DTNB: variants seen among roughly 807,000 people sequenced by gnomAD.
DTNB encodes the protein DTN-B.
DTNB carries 63 observed loss-of-function variants against 90.7 expected under a neutral mutation model. The observed-to-expected ratio is 0.69, with a 90% CI of 0.57 to 0.86. DTNB has a LOEUF of 0.86. Among genes scored for constraint, DTNB ranks in the 40% least tolerant of loss-of-function variants. DTNB has a pLI of 0.00. For synonymous variants in DTNB, 277 were observed against 286.7 expected (o/e 0.97, Z 0.34); for missense variants, 744 against 807.1 (o/e 0.92, Z 0.95).
chr2:25,548,630 T>G (rs2151084252), intron 8 of DTNB, among the ~76,000 whole-genome samples: 1 of 151,174 alleles, frequency 6.6e-6, no homozygotes, highest in East Asian at 1.9e-4. Context: ...CAGCCTGGAG[T>G]GGAGTAAGGG....
At chr2:25,430,681 AC>A (rs1247401105) in intron 14 of DTNB, among the ~76,000 whole-genome samples, 1 of 152,206 alleles carries the variant, frequency 6.6e-6, no homozygotes, top group Non-Finnish European at 1.5e-5. Flanking sequence ...GTAATGATAA[AC>A]CAAATTCTGG....
At chr2:25,572,319 T>A (rs748984408) in intron 8 of DTNB, among the ~76,000 whole-genome samples, 11 of 151,966 alleles carry the variant, frequency 7.2e-5, no homozygotes, top group Non-Finnish European at 1.5e-4. Flanking sequence ...TACAAAAAAT[T>A]AGCCAGGCGT....
chr2:25,670,745 C>G (rs766273564), intron 1 of DTNB, among the ~76,000 whole-genome samples: 6 of 152,144 alleles, frequency 3.9e-5, no homozygotes, highest in Non-Finnish European at 8.8e-5. Context: ...GACTGCAAAC[C>G]AGCATAAGGG....
chr2:25,497,965 C>A (rs970368605), intron 9 of DTNB, among the ~76,000 whole-genome samples: 1 of 152,164 alleles, frequency 6.6e-6, no homozygotes, highest in Non-Finnish European at 1.5e-5. Context: ...CCGCTCTCAT[C>A]ATGTCACCAT....
intron 8 of DTNB, among the ~76,000 whole-genome samples, chr2:25,541,097 T>C (rs1023074917): frequency 1.4e-5 from 2 of 144,500 alleles, no homozygotes; most frequent in Admixed American, 6.8e-5. Context: ...ATTCATGGTA[T>C]AGAAAATAAT....
chr2:25,514,559 A>G (rs2074642194), intron 9 of DTNB, among the ~76,000 whole-genome samples: 1 of 149,172 alleles, frequency 6.7e-6, no homozygotes, highest in African/African-American at 2.5e-5. Context: ...TTGTAGTGCT[A>G]AACGAATTTA....
intron 8 of DTNB, among the ~76,000 whole-genome samples, chr2:25,571,407 T>C (rs1329925208): frequency 6.6e-6 from 1 of 152,202 alleles, no homozygotes; most frequent in Non-Finnish European, 1.5e-5. Flanking sequence ...GTAAAAGTCC[T>C]TACAATGGTC....
At chr2:25,667,988 C>G (rs528214411) in intron 1 of DTNB, among the ~76,000 whole-genome samples, 1 of 152,246 alleles carries the variant, frequency 6.6e-6, no homozygotes, top group South Asian at 2.1e-4. Context: ...GCATGTAATC[C>G]CAGCACTTTG....
intron 1 of DTNB, among the ~76,000 whole-genome samples, chr2:25,653,886 C>G (rs1179634045): frequency 6.6e-6 from 1 of 152,130 alleles, no homozygotes; most frequent in Non-Finnish European, 1.5e-5. Context: ...GTTCGTTCAC[C>G]TGCTGTCTTA....
intron 10 of DTNB, among the ~76,000 whole-genome samples, chr2:25,464,507 T>C (rs1574807022): frequency 6.6e-6 from 1 of 152,178 alleles, no homozygotes; most frequent in Non-Finnish European, 1.5e-5. Context: ...CACACTGATA[T>C]AAATAAATGA....
intron 9 of DTNB, among the ~76,000 whole-genome samples, chr2:25,517,621 G>C (rs996323381): frequency 6.6e-6 from 1 of 151,972 alleles, no homozygotes; most frequent in East Asian, 1.9e-4. Context: ...ACAATATGAG[G>C]GTTCCTCGAA....
chr2:25,415,647 G>T (rs982752015), intron 16 of DTNB, among the ~76,000 whole-genome samples: 1 of 152,102 alleles, frequency 6.6e-6, no homozygotes, highest in Non-Finnish European at 1.5e-5. Context: ...GGAGGGGAGA[G>T]GGGCTAAAGA....
At chr2:25,629,303 C>A (rs772667400) in intron 3 of DTNB, among the ~76,000 whole-genome samples, 1 of 152,164 alleles carries the variant, frequency 6.6e-6, no homozygotes, top group South Asian at 2.1e-4. Flanking sequence ...TACTTTCCAA[C>A]GCTGAAAAAC....
At chr2:25,397,552 G>A (rs1325930211) in intron 16 of DTNB, among the ~76,000 whole-genome samples, 3 of 152,058 alleles carry the variant, frequency 2.0e-5, no homozygotes, top group Admixed American at 6.6e-5. Flanking sequence ...TTCAGACAGC[G>A]TAGGAACTCA....
chr2:25,477,067 T>C (rs1044641896), intron 10 of DTNB, among the ~76,000 whole-genome samples: 7 of 152,208 alleles, frequency 4.6e-5, no homozygotes, highest in Non-Finnish European at 1.5e-5. Context: ...GCCATCAGCA[T>C]TGAGGCAAGA....
At chr2:25,462,622 A>G (rs1285926661) in intron 10 of DTNB, among the ~76,000 whole-genome samples, 1 of 152,228 alleles carries the variant, frequency 6.6e-6, no homozygotes, top group East Asian at 1.9e-4. Context: ...CATCTGGCAC[A>G]TATGTTGTCA....
At chr2:25,419,423 T>C (rs745793329) in intron 16 of DTNB, 92 bp downstream of exon 16, 2 of 1,533,142 alleles carry the variant, frequency 1.3e-6, no homozygotes, top group African/African-American at 2.8e-5. Context: ...TCAGAGATGA[T>C]GTGCGGGGAG....
At chr2:25,508,564 C>T (rs1418168509) in intron 9 of DTNB, among the ~76,000 whole-genome samples, 9 of 118,884 alleles carry the variant, frequency 7.6e-5, no homozygotes, top group Non-Finnish European at 1.3e-4. Flanking sequence ...GATGGAGTTT[C>T]GCTCTTGTTG....
chr2:25,468,526 C>A (rs766697912), intron 10 of DTNB, among the ~76,000 whole-genome samples: 15 of 152,128 alleles, frequency 9.9e-5, no homozygotes, highest in Admixed American at 2.0e-4. Context: ...GGACGGGAGT[C>A]CAAAGAGAAC....
Sources: allele counts gnomAD v4.1 joint callset (sites outside exome capture counted in the v4.1 genomes callset), GRCh38; gene constraint gnomAD v4.1.1; transcripts MANE v1.5; gene names NCBI Gene and HGNC (gene_info 2026-07-23, HGNC 2026-07-21).